The following CTIF variants were observed in gnomAD, a reference collection of about 807,000 sequenced individuals.
The protein encoded by CTIF is CBP80/20-dependent translation initiation factor.
CTIF carries 21 observed loss-of-function variants against 66.0 expected under a neutral mutation model. The ratio of observed to expected loss-of-function variants is 0.32; its 90% CI spans 0.23 to 0.46. The LOEUF is 0.46. CTIF is among the 20% of genes least tolerant of loss of function. CTIF has a pLI of 1.00. For missense variants in CTIF, 739 were observed against 812.7 expected (o/e 0.91, Z 1.10); for synonymous variants, 345 against 326.4 (o/e 1.06, Z -0.62).
intron 1 of CTIF, among the ~76,000 whole-genome samples, chr18:48,562,762 T>G (rs2089191874): frequency 6.6e-6 from 1 of 152,158 alleles, no homozygotes; most frequent in African/African-American, 2.4e-5. Context: ...TTATGCCTGA[T>G]AAAAATGAGT....
At chr18:48,726,430 A>G (rs2092387670) in intron 7 of CTIF, among the ~76,000 whole-genome samples, 1 of 152,142 alleles carries the variant, frequency 6.6e-6, no homozygotes, top group Non-Finnish European at 1.5e-5. Flanking sequence ...GCTCAAAGTC[A>G]CCCTTGAGAG....
At position 48,681,513 on chromosome 18, in the gene CTIF, G is replaced by A. The variant is rs150343855; in HGVS notation, c.507+10769G>A. On this transcript the variant is annotated intron_variant, in intron 6 of 11. Coordinates refer to ENST00000256413, the MANE Select transcript of CTIF (RefSeq NM_014772.3). ...TTCCACCTACAACCCCATTACAGAC[G>A]AGGAAACTGAGAGACCCAGAAAGGC... Among the ~76,000 whole-genome samples the A allele has an allele frequency of 2.6e-5, 4 of 152,288 alleles. No individual in the cohort carries two copies. In the East Asian group the frequency reaches 5.8e-4, roughly 22 times the overall value.
chr18:48,792,669 A>T (rs1425093654), intron 9 of CTIF, among the ~76,000 whole-genome samples: 4 of 152,144 alleles, frequency 2.6e-5, no homozygotes, highest in African/African-American at 9.7e-5. Context: ...TTCAAGGAAG[A>T]GCTGAGAGGA....
chr18:48,652,425 C>G (rs1162003078), intron 3 of CTIF, among the ~76,000 whole-genome samples: 1 of 152,178 alleles, frequency 6.6e-6, no homozygotes, highest in Non-Finnish European at 1.5e-5. Context: ...CCTCCCAAGA[C>G]TAAACCAGGA....
At chr18:48,544,684 G>C (rs2088703424) in intron 1 of CTIF, among the ~76,000 whole-genome samples, 1 of 152,234 alleles carries the variant, frequency 6.6e-6, no homozygotes, top group Non-Finnish European at 1.5e-5. Flanking sequence ...TAATGGTGGA[G>C]GAGGTTTTAG....
intron 1 of CTIF, among the ~76,000 whole-genome samples, chr18:48,545,628 G>A (rs2088727716): frequency 6.6e-6 from 1 of 152,230 alleles, no homozygotes; most frequent in Middle Eastern, 3.4e-3. Context: ...GGTCTGCTGG[G>A]GTTGGGGTGG....
intron 9 of CTIF, among the ~76,000 whole-genome samples, chr18:48,763,482 C>T (rs1315141434): frequency 1.3e-5 from 2 of 152,276 alleles, no homozygotes; most frequent in African/African-American, 4.8e-5. Flanking sequence ...TGGTTTAGGA[C>T]AGGCTCCAGA....
intron 1 of CTIF, among the ~76,000 whole-genome samples, chr18:48,606,521 C>T (rs1211228737): frequency 2.0e-5 from 3 of 152,204 alleles, no homozygotes; most frequent in Non-Finnish European, 4.4e-5. Context: ...GGCATGAGGC[C>T]CAGTGCCACC....
intron 10 of CTIF, among the ~76,000 whole-genome samples, chr18:48,841,966 T>G (rs1014482187): frequency 1.3e-5 from 2 of 152,206 alleles, no homozygotes; most frequent in South Asian, 4.1e-4. Context: ...AGCCCCTACC[T>G]ACTGGAAGGT....
At chr18:48,658,838 T>C (rs1001374722) in intron 3 of CTIF, among the ~76,000 whole-genome samples, 4 of 152,018 alleles carry the variant, frequency 2.6e-5, no homozygotes, top group Non-Finnish European at 4.4e-5. Context: ...GGTGACAGAG[T>C]GGCCACTTGG....
At chr18:48,806,346 G>A (rs1263477466) in intron 9 of CTIF, among the ~76,000 whole-genome samples, 1 of 152,126 alleles carries the variant, frequency 6.6e-6, no homozygotes, top group African/African-American at 2.4e-5. Flanking sequence ...CCTCCCACAT[G>A]TATCCAGCTT....
At chr18:48,545,178 G>A (rs1408629826) in intron 1 of CTIF, among the ~76,000 whole-genome samples, 3 of 152,222 alleles carry the variant, frequency 2.0e-5, no homozygotes, top group Non-Finnish European at 4.4e-5. Flanking sequence ...GTGTAGGAAG[G>A]AACCGCAAGC....
intron 10 of CTIF, among the ~76,000 whole-genome samples, chr18:48,841,344 C>A (rs992465271): frequency 6.6e-6 from 1 of 152,072 alleles, no homozygotes; most frequent in Non-Finnish European, 1.5e-5. Flanking sequence ...CCTCTGCAGC[C>A]GGGCCCTCCC....
chr18:48,676,128 G>C (rs1212344716), intron 6 of CTIF, among the ~76,000 whole-genome samples: 1 of 152,106 alleles, frequency 6.6e-6, no homozygotes, highest in African/African-American at 2.4e-5. Flanking sequence ...GGTCTAACGG[G>C]CATGTTGTCC....
intron 3 of CTIF, among the ~76,000 whole-genome samples, chr18:48,659,955 G>A (rs531978673): frequency 6.6e-6 from 1 of 152,174 alleles, no homozygotes; most frequent in African/African-American, 2.4e-5. Flanking sequence ...GTTGTTGTAA[G>A]GAGTTGTGGG....
intron 6 of CTIF, among the ~76,000 whole-genome samples, chr18:48,692,051 G>A (rs2091934014): frequency 6.6e-6 from 1 of 152,098 alleles, no homozygotes; most frequent in African/African-American, 2.4e-5. Flanking sequence ...CAGCTAATTT[G>A]TATATCTTTT....
chr18:48,813,556 G>C (rs1203722129), intron 9 of CTIF, among the ~76,000 whole-genome samples: 2 of 152,228 alleles, frequency 1.3e-5, no homozygotes, highest in Non-Finnish European at 2.9e-5. Context: ...TGCTTAGGCA[G>C]AGTCTCCCTC....
At position 48,637,211 on chromosome 18, in the gene CTIF, G is replaced by A. The variant is rs564492217; in HGVS notation, c.252+526G>A. Among the ~76,000 whole-genome samples, 12 of 152,272 alleles carry A rather than the reference G, an allele frequency of 7.9e-5. No individual in the cohort carries two copies. The East Asian group carries it at 1.2e-3, about 15-fold the overall frequency. On this transcript the variant is annotated intron_variant, in intron 3 of 11. Transcript: ENST00000256413. ...AGCCAACCAACAGTCCTGGGACCCC[G>A]CCAGAGCCTGCCACCTTTCTCCCTG...
chr18:48,657,936 G>A (rs923503014), intron 3 of CTIF, among the ~76,000 whole-genome samples: 1 of 152,080 alleles, frequency 6.6e-6, no homozygotes, highest in Non-Finnish European at 1.5e-5. Flanking sequence ...TCTCTGTATG[G>A]GTCCTCAGTG....
Sources: gnomAD v4.1 joint callset for allele counts (sites outside exome capture counted in the v4.1 genomes callset) on GRCh38, gnomAD v4.1.1 for gene constraint, MANE v1.5 for transcripts, NCBI Gene and HGNC (gene_info 2026-07-23, HGNC 2026-07-21) for gene names.